Variants in REEP1 observed in about 807,000 individuals in gnomAD.
The protein encoded by REEP1 is receptor accessory protein 1.
A neutral mutation model predicts 40.3 loss-of-function variants in REEP1; 22 were observed. The observed-to-expected ratio is 0.55, with a 90% CI of 0.39 to 0.78. The LOEUF is 0.78. Ranked by LOEUF, REEP1 falls within the 30% of genes least tolerant of loss-of-function variation. The probability of loss-of-function intolerance (pLI) is 0.00; values close to 1 mark genes in which losing one functional copy is unlikely to be tolerated. For synonymous variants in REEP1, 116 were observed against 139.2 expected (o/e 0.83, Z 1.17); for missense variants, 280 against 361.1 (o/e 0.78, Z 1.82).
At chr2:86,300,822 G>T (rs1679226749) in intron 1 of REEP1, among the ~76,000 whole-genome samples, 1 of 152,144 alleles carries the variant, frequency 6.6e-6, no homozygotes, top group Non-Finnish European at 1.5e-5. Context: ...TCTGACAATG[G>T]ATGCCCTAAA....
At chr2:86,284,845 G>C (rs936218781) in intron 1 of REEP1, among the ~76,000 whole-genome samples, 4 of 152,160 alleles carry the variant, frequency 2.6e-5, no homozygotes, top group Admixed American at 2.6e-4. Context: ...GGAGTGAGCT[G>C]GTTGCCAGCA....
intron 1 of REEP1, among the ~76,000 whole-genome samples, chr2:86,331,980 C>A (rs1680788212): frequency 6.6e-6 from 1 of 152,070 alleles, no homozygotes; most frequent in African/African-American, 2.4e-5. Context: ...AAGGCCTATA[C>A]CAAATTACCT....
chr2:86,328,828 T>C (rs1461521370), intron 1 of REEP1, among the ~76,000 whole-genome samples: 1 of 152,176 alleles, frequency 6.6e-6, no homozygotes, highest in African/African-American at 2.4e-5. Context: ...AGGGCTGGGG[T>C]GAGCACTTTT....
chr2:86,287,647 A>G (rs1367054546), intron 1 of REEP1, among the ~76,000 whole-genome samples: 1 of 152,200 alleles, frequency 6.6e-6, no homozygotes, highest in Admixed American at 6.5e-5. Context: ...CTAACAGAAG[A>G]ATGCTCCTTG....
Position 86,215,023 on chromosome 2 carries a change from CTTTTTTTTTTTTTTT to C in REEP1, c.*2001_*2015del. On this transcript the variant is annotated 3_prime_UTR_variant, in exon 9 of 9. Coordinates refer to ENST00000538924, the MANE Select transcript of REEP1 (RefSeq NM_001371279.1). ...AAAAATTGCTAAGAAGCTGTGTAAG[CTTTTTTTTTTTTTTT>C]TTTTTTTTGCATTCGTTTCTGATAA... 1 of 59,572 alleles carries C rather than the reference CTTTTTTTTTTTTTTT, an allele frequency of 1.7e-5. No individual in the cohort carries two copies. Among genetic ancestry groups the C allele is most frequent in the South Asian group, 9.6e-4 (1 of 1,040 alleles). The allele number at this position is 59,572 out of a possible 1,614,324, so 3.7% of individuals were successfully genotyped here.
chr2:86,234,465 C>T (rs1352825845), intron 5 of REEP1, among the ~76,000 whole-genome samples: 1 of 152,086 alleles, frequency 6.6e-6, no homozygotes, highest in Non-Finnish European at 1.5e-5. Flanking sequence ...CTGCAGTGAG[C>T]CGGGATCATA....
chr2:86,232,683 G>T lies in REEP1; in HGVS notation c.537C>A (p.Ser179Arg), dbSNP rs201564869. ...ACATCTTAGGCTGGCCGTGTTTGCC[G>T]CTGGCCCGCCCAGACCCCGGTGGTG... ...GPPPPGSGRASGKHGQPKMSR... is the reference protein window; with the variant it reads ...GPPPPGSGRARGKHGQPKMSR... The change falls in exon 6 of 9, where the codon AGC becomes AGA. Residue 179 changes from serine to arginine, a missense_variant. Physicochemically the swap from Ser to Arg is moderately radical, Grantham distance 110 (BLOSUM62 -1). Around this residue, in one of 3 missense-constraint regions of REEP1, gnomAD observed 201 missense variants for 238.5 expected, o/e 0.84. Coordinates refer to ENST00000538924, the MANE Select transcript of REEP1 (RefSeq NM_001371279.1). 2.5e-6 allele frequency: 4 copies of T among 1,612,134 alleles called. No individual in the cohort carries two copies. Among genetic ancestry groups the T allele is most frequent in the Middle Eastern group, 1.7e-4 (1 of 6,050 alleles).
rs2103942985 is a variant in REEP1, at chr2:86,216,911, A to G, written c.*128T>C. On this transcript the variant is annotated 3_prime_UTR_variant, in exon 9 of 9. Coordinates refer to ENST00000538924, the MANE Select transcript of REEP1 (RefSeq NM_001371279.1). ...CCTTAAAAGTGGAAGGGGAGAGAGA[A>G]AAGGCCATGTTTGTGAGGCTGCACA... The G allele has an allele frequency of 4.1e-6, 3 of 734,772 alleles. No homozygotes were observed. The highest frequency in any genetic ancestry group is 7.0e-6 in the Non-Finnish European group (3 of 425,986). 45.5% of individuals were successfully genotyped at this position (734,772 alleles called of 1,614,324 possible). A position where few individuals can be genotyped will look rare whatever the true frequency, so the allele number is the denominator to read the frequency against.
intron 2 of REEP1, among the ~76,000 whole-genome samples, chr2:86,275,025 C>T (rs745717924): frequency 1.1e-4 from 16 of 152,212 alleles, no homozygotes; most frequent in Non-Finnish European, 1.8e-4. Context: ...TCTTTAGCCT[C>T]ACCTCACCTT....
intron 5 of REEP1, among the ~76,000 whole-genome samples, chr2:86,247,421 G>A (rs11127020): frequency 0.4 from 60,152 of 151,916 alleles, 14,173 homozygotes; most frequent in East Asian, 0.66. Flanking sequence ...TTAATAAGCT[G>A]GGCATGGTGG....
At chr2:86,315,591 A>T (rs1679958342) in intron 1 of REEP1, among the ~76,000 whole-genome samples, 1 of 152,212 alleles carries the variant, frequency 6.6e-6, no homozygotes, top group African/African-American at 2.4e-5. Flanking sequence ...CTGAGTGAAT[A>T]AAGAACGGCA....
chr2:86,313,625 T>A (rs1679863284), intron 1 of REEP1, among the ~76,000 whole-genome samples: 1 of 152,240 alleles, frequency 6.6e-6, no homozygotes, highest in Admixed American at 6.5e-5. Flanking sequence ...GAAACCAGTT[T>A]GAGCCTCGGT....
intron 2 of REEP1, among the ~76,000 whole-genome samples, chr2:86,265,153 G>C (rs1290755900): frequency 2.6e-5 from 4 of 152,172 alleles, no homozygotes; most frequent in Non-Finnish European, 4.4e-5. Context: ...TAATAATATA[G>C]ATATAAATAC....
At chr2:86,228,031 G>A (rs1024038984) in intron 6 of REEP1, among the ~76,000 whole-genome samples, 5 of 152,124 alleles carry the variant, frequency 3.3e-5, no homozygotes, top group African/African-American at 7.2e-5. Flanking sequence ...TCTGCAGGGA[G>A]GGCCATGTCA....
intron 1 of REEP1, among the ~76,000 whole-genome samples, chr2:86,288,032 A>ATTATTATTTTTTTTTTTTTTTTTTTT (rs1558916454): frequency 6.7e-5 from 10 of 149,750 alleles, no homozygotes; most frequent in African/African-American, 2.3e-4. Context: ...TATTTTTATT[A>ATTATTATTTTTTTTTTTTTTTTTTTT]TTTTTTTGAG....
At chr2:86,292,531 A>T (rs1678770292) in intron 1 of REEP1, among the ~76,000 whole-genome samples, 2 of 151,978 alleles carry the variant, frequency 1.3e-5, no homozygotes, top group Non-Finnish European at 2.9e-5. Flanking sequence ...ACTTACAATG[A>T]CTGTCCTGTG....
chr2:86,233,661 G>C (rs1675146899), intron 5 of REEP1, among the ~76,000 whole-genome samples: 1 of 152,156 alleles, frequency 6.6e-6, no homozygotes, highest in African/African-American at 2.4e-5. Flanking sequence ...GCTGCAGAGA[G>C]AGGTTATGGA....
At chr2:86,316,730 A>C (rs1266659826) in intron 1 of REEP1, among the ~76,000 whole-genome samples, 2 of 148,554 alleles carry the variant, frequency 1.3e-5, no homozygotes, top group Non-Finnish European at 3.0e-5. Context: ...GTGGTGGTGC[A>C]TGCCTGTAAT....
intron 5 of REEP1, among the ~76,000 whole-genome samples, chr2:86,250,554 A>G (rs533042748): frequency 2.5e-4 from 38 of 152,162 alleles, no homozygotes; most frequent in Non-Finnish European, 4.7e-4. Flanking sequence ...TTCCCTTCCA[A>G]AGATACTCAC....
Sources: allele counts gnomAD v4.1 joint callset (sites outside exome capture counted in the v4.1 genomes callset), GRCh38; gene constraint gnomAD v4.1.1; regional missense constraint gnomAD v4.1.1; transcripts MANE v1.5; gene names NCBI Gene and HGNC (gene_info 2026-07-23, HGNC 2026-07-21).